DOCK3: variants seen among roughly 807,000 people sequenced by gnomAD.
DOCK3 encodes the protein dedicator of cytokinesis protein 3.
In DOCK3, 60 loss-of-function variants were observed where a neutral mutation model predicts 265.6. The ratio of observed to expected loss-of-function variants is 0.23; its 90% CI spans 0.18 to 0.28. The LOEUF is 0.28. Among genes scored for constraint, DOCK3 ranks in the 10% least tolerant of loss-of-function variants. The pLI, the probability that DOCK3 is intolerant of heterozygous loss-of-function variation, is 1.00. For missense variants in DOCK3, 1,981 were observed against 2,594.3 expected (o/e 0.76, Z 5.14); for synonymous variants, 881 against 938.0 (o/e 0.94, Z 1.11).
At chr3:51,228,274 A>G (rs2090412300) in intron 17 of DOCK3, among the ~76,000 whole-genome samples, 186 bp downstream of exon 17, 1 of 152,232 alleles carries the variant, frequency 6.6e-6, no homozygotes, top group African/African-American at 2.4e-5. Context: ...TCCTCCCACA[A>G]GTAACGCCAA....
intron 4 of DOCK3, among the ~76,000 whole-genome samples, chr3:50,902,918 T>G (rs1298828116): frequency 1.3e-5 from 2 of 152,200 alleles, no homozygotes; most frequent in East Asian, 3.8e-4. Context: ...CTAGATATTT[T>G]ATTCTCTTTG....
At chr3:51,125,543 C>T (rs893455739) in intron 9 of DOCK3, among the ~76,000 whole-genome samples, 3 of 152,092 alleles carry the variant, frequency 2.0e-5, no homozygotes, top group Non-Finnish European at 2.9e-5. Context: ...CATGTAATAT[C>T]ATATTAAACA....
chr3:51,177,870 A>G (rs373823766), intron 12 of DOCK3, among the ~76,000 whole-genome samples: 104 of 152,288 alleles, frequency 6.8e-4, no homozygotes, highest in African/African-American at 2.4e-3. Context: ...GCATGCCTGT[A>G]GTCTCAAATA....
Position 51,381,150 on chromosome 3 carries a change from CCTT to C in DOCK3, c.5685_5687del (p.Leu1896del). 1.2e-6 allele frequency: 2 copies of C among 1,613,930 alleles called. No individual in the cohort carries two copies. The highest frequency in any genetic ancestry group is 2.2e-5 in the East Asian group (1 of 44,864). ...GGCAGTGCCAGCAGCGGCGTGTCCT[CCTT>C]GAGTGAGAGTAACTTTGGGCACTCC... On this transcript the variant is annotated inframe_deletion, in exon 53 of 53. Coordinates refer to ENST00000266037, the MANE Select transcript of DOCK3 (RefSeq NM_004947.5). The surrounding 1 kb of genome is among the most constrained non-coding windows in gnomAD (Gnocchi z 5.6).
rs1559944265 is a variant in DOCK3, at chr3:51,016,565, A to ATTTATATATAT, written c.316-47882_316-47881insTTATATATATT. ...TATATATTTATATATATCATATATT[A>ATTTATATATAT]TATATATATTTATATATATCATATA... On this transcript the variant is annotated intron_variant, in intron 5 of 52. Transcript: ENST00000266037. 8.2e-4 allele frequency among the ~76,000 whole-genome samples: 68 copies of ATTTATATATAT among 83,112 alleles called. 3 individuals carry two copies. The highest frequency in any genetic ancestry group is 3.6e-3 in the African/African-American group (67 of 18,742). 54.5% of individuals were successfully genotyped at this position (83,112 alleles called of 152,430 possible). A position where few individuals can be genotyped will look rare whatever the true frequency, so the allele number is the denominator to read the frequency against.
chr3:51,362,736 G>T (rs1487501887), intron 49 of DOCK3, 62 bp downstream of exon 49: 2 of 1,572,294 alleles, frequency 1.3e-6, no homozygotes, highest in African/African-American at 1.3e-5. Flanking sequence ...ACGCCACTCG[G>T]CTTCCTCTCA....
intron 14 of DOCK3, among the ~76,000 whole-genome samples, chr3:51,224,313 G>C (rs2090232580): frequency 6.6e-6 from 1 of 152,198 alleles, no homozygotes; most frequent in African/African-American, 2.4e-5. Flanking sequence ...ATAGGAAAAT[G>C]ACCTGAATAA....
chr3:51,328,449 C>G (rs2084295925), intron 32 of DOCK3, among the ~76,000 whole-genome samples: 1 of 152,112 alleles, frequency 6.6e-6, no homozygotes, highest in Admixed American at 6.5e-5. Context: ...TTGACATAAC[C>G]CCAGGCAAGT....
intron 5 of DOCK3, among the ~76,000 whole-genome samples, chr3:51,057,625 C>T (rs908499102): frequency 3.3e-5 from 5 of 152,192 alleles, no homozygotes; most frequent in African/African-American, 1.2e-4. Flanking sequence ...AATGTATGCT[C>T]TGGTGCTAGT....
chr3:50,984,308 G>C (rs1326549233), intron 5 of DOCK3, among the ~76,000 whole-genome samples: 1 of 152,224 alleles, frequency 6.6e-6, no homozygotes, highest in Non-Finnish European at 1.5e-5. Flanking sequence ...TTGTTTGCTT[G>C]CTCTACCAGG....
intron 7 of DOCK3, among the ~76,000 whole-genome samples, chr3:51,075,678 T>A (rs564627492): frequency 1.2e-4 from 19 of 152,346 alleles, no homozygotes; most frequent in Non-Finnish European, 1.9e-4. Flanking sequence ...TTGTTGACTT[T>A]CTTGGTGAAC....
intron 2 of DOCK3, among the ~76,000 whole-genome samples, chr3:50,840,146 T>A (rs2045746628): frequency 6.6e-6 from 1 of 152,138 alleles, no homozygotes; most frequent in South Asian, 2.1e-4. Flanking sequence ...ATGTCTTTTG[T>A]AAGTATTTTC....
intron 15 of DOCK3, among the ~76,000 whole-genome samples, chr3:51,226,353 C>T (rs1334489125): frequency 2.6e-5 from 4 of 152,082 alleles, no homozygotes; most frequent in African/African-American, 9.7e-5. Context: ...GTAAAGTCTG[C>T]GGTGAATAAC....
chr3:51,077,596 A>G (rs995557544), intron 7 of DOCK3, among the ~76,000 whole-genome samples: 3 of 152,212 alleles, frequency 2.0e-5, no homozygotes, highest in African/African-American at 4.8e-5. Flanking sequence ...TTAAATTGCC[A>G]TGTGTGTATA....
intron 12 of DOCK3, among the ~76,000 whole-genome samples, chr3:51,172,339 C>G (rs2086725252): frequency 6.6e-6 from 1 of 152,046 alleles, no homozygotes. Flanking sequence ...CCATGCCTGG[C>G]TAATTTTTTG....
chr3:51,080,902 A>ATT (rs759775181), intron 7 of DOCK3, among the ~76,000 whole-genome samples: 2 of 141,020 alleles, frequency 1.4e-5, no homozygotes. Flanking sequence ...GAATGCTTGA[A>ATT]TTTTTTTTTT....
intron 5 of DOCK3, among the ~76,000 whole-genome samples, chr3:50,995,629 C>A (rs1297932880): frequency 6.6e-6 from 1 of 152,164 alleles, no homozygotes; most frequent in Non-Finnish European, 1.5e-5. Context: ...TACTCCCTAA[C>A]AAGTAGTAAA....
At chr3:50,894,304 G>A (rs1255016483) in intron 4 of DOCK3, among the ~76,000 whole-genome samples, 4 of 151,996 alleles carry the variant, frequency 2.6e-5, no homozygotes, top group Non-Finnish European at 4.4e-5. Context: ...CCAGAAGGGA[G>A]CAGGATGATA....
chr3:51,027,113 A>T (rs149721608), intron 5 of DOCK3, among the ~76,000 whole-genome samples: 183 of 152,130 alleles, frequency 1.2e-3, no homozygotes, highest in African/African-American at 3.5e-3. Flanking sequence ...TCCATTTAGC[A>T]CTGTTTTTGC....
Sources: allele counts gnomAD v4.1 joint callset (sites outside exome capture counted in the v4.1 genomes callset), GRCh38; gene constraint gnomAD v4.1.1; non-coding constraint Gnocchi (gnomAD v3.1); transcripts MANE v1.5; gene names NCBI Gene and HGNC (gene_info 2026-07-23, HGNC 2026-07-21).